GRM7: variants seen among roughly 807,000 people sequenced by gnomAD.
GRM7 encodes the protein metabotropic glutamate receptor 7.
GRM7 carries 35 observed loss-of-function variants against 84.5 expected under a neutral mutation model. That is an observed-to-expected ratio of 0.41 (90% confidence interval 0.32 to 0.55). The LOEUF is 0.55. Among genes scored for constraint, GRM7 ranks in the 20% least tolerant of loss-of-function variants. The pLI, the probability that GRM7 is intolerant of heterozygous loss-of-function variation, is 0.19. For synonymous variants in GRM7, 487 were observed against 455.1 expected (o/e 1.07, Z -0.89); for missense variants, 1,003 against 1,194.6 (o/e 0.84, Z 2.36).
intron 7 of GRM7, among the ~76,000 whole-genome samples, chr3:7,528,527 C>T (rs1700896989): frequency 1.3e-5 from 2 of 151,904 alleles, no homozygotes. Context: ...TTTAATTCTG[C>T]TCTGCTTTTA....
intron 9 of GRM7, among the ~76,000 whole-genome samples, chr3:7,738,487 C>T: frequency 6.6e-6 from 1 of 152,104 alleles, no homozygotes; most frequent in East Asian, 1.9e-4. Flanking sequence ...ATAACCTCAT[C>T]GTGATTTTAA....
intron 1 of GRM7, among the ~76,000 whole-genome samples, chr3:7,057,350 A>G (rs888658859): frequency 2.6e-5 from 4 of 151,936 alleles, no homozygotes; most frequent in Non-Finnish European, 2.9e-5. Flanking sequence ...TTTTTCAACT[A>G]ACCTATTCTA....
At chr3:6,911,765 G>A (rs1696777909) in intron 1 of GRM7, among the ~76,000 whole-genome samples, 1 of 152,074 alleles carries the variant, frequency 6.6e-6, no homozygotes, top group South Asian at 2.1e-4. Flanking sequence ...TTCAAAAATT[G>A]TTTTTAGTTT....
At chr3:7,123,590 G>T (rs568986015) in intron 1 of GRM7, among the ~76,000 whole-genome samples, 2 of 152,126 alleles carry the variant, frequency 1.3e-5, no homozygotes, top group African/African-American at 2.4e-5. Flanking sequence ...CTGTACTCCA[G>T]CCTGGGCAAG....
At chr3:7,461,816 GT>G in intron 7 of GRM7, 94 bp downstream of exon 7, 1 of 1,179,968 alleles carries the variant, frequency 8.5e-7, no homozygotes, top group Non-Finnish European at 1.3e-6. Flanking sequence ...TTTAATGTTT[GT>G]GTGCATATAC....
chr3:7,460,971 G>C (rs919542902), intron 6 of GRM7, among the ~76,000 whole-genome samples: 2 of 152,166 alleles, frequency 1.3e-5, no homozygotes, highest in Admixed American at 6.6e-5. Context: ...ATCCAAATGA[G>C]AGATTGAGAA....
At chr3:7,329,042 C>T (rs34225103) in intron 4 of GRM7, among the ~76,000 whole-genome samples, 67,226 of 151,612 alleles carry the variant, frequency 0.44, 15,149 homozygotes, top group African/African-American at 0.51. Context: ...GCCCCCACCC[C>T]CACCACCCCT....
At chr3:7,645,701 C>T (rs1698604452) in intron 8 of GRM7, among the ~76,000 whole-genome samples, 1 of 152,062 alleles carries the variant, frequency 6.6e-6, no homozygotes, top group Non-Finnish European at 1.5e-5. Context: ...GTGTTGGAAG[C>T]AGCAGTGTGG....
chr3:7,253,633 A>AC (rs1698089119), intron 2 of GRM7, among the ~76,000 whole-genome samples: 1 of 150,110 alleles, frequency 6.7e-6, no homozygotes, highest in Non-Finnish European at 1.5e-5. Flanking sequence ...AAAAAAAAAA[A>AC]AAAAAATCAC....
At chr3:6,987,407 A>AG (rs558811791) in intron 1 of GRM7, among the ~76,000 whole-genome samples, 1 of 152,250 alleles carries the variant, frequency 6.6e-6, no homozygotes, top group Admixed American at 6.5e-5. Flanking sequence ...GACAAAAAAA[A>AG]AAAAAATCCC....
At chr3:7,725,216 A>T (rs1702081214) in intron 9 of GRM7, among the ~76,000 whole-genome samples, 1 of 152,152 alleles carries the variant, frequency 6.6e-6, no homozygotes. Context: ...CACAGAGGGG[A>T]TGAAGGAGGG....
chr3:7,284,179 C>T (rs1041352256), intron 2 of GRM7, among the ~76,000 whole-genome samples: 2 of 152,110 alleles, frequency 1.3e-5, no homozygotes, highest in African/African-American at 4.8e-5. Flanking sequence ...GTAGAAATCA[C>T]AATACTCATA....
chr3:7,672,600 ACTT>A (rs1481599209), intron 8 of GRM7, among the ~76,000 whole-genome samples: 3 of 134,344 alleles, frequency 2.2e-5, no homozygotes, highest in Admixed American at 7.6e-5. Context: ...GTTTTAATAT[ACTT>A]TTTTTTTTTT....
chr3:7,093,961 T>G (rs1299201303), intron 1 of GRM7, among the ~76,000 whole-genome samples: 1 of 152,186 alleles, frequency 6.6e-6, no homozygotes, highest in Non-Finnish European at 1.5e-5. Context: ...TTTTTCTTGC[T>G]ATAAACTAAT....
rs367752729 is a variant in GRM7 at position 7,337,471 on chromosome 3, C to CA, written c.1033+30820dup. ...CAAAAGAAATAATCAGCAGAGTAAA[C>CA]AGACACCCCACAGAGTGGGAGAAAG... On this transcript the variant is annotated intron_variant, in intron 4 of 9. Coordinates refer to ENST00000357716, the MANE Select transcript of GRM7 (RefSeq NM_000844.4). Among the ~76,000 whole-genome samples the CA allele has an allele frequency of 3.2e-3, 482 of 152,070 alleles. 2 individuals carry two copies. The highest frequency in any genetic ancestry group is 0.011 in the African/African-American group (458 of 41,532).
chr3:6,969,376 T>G (rs1352339820), intron 1 of GRM7, among the ~76,000 whole-genome samples: 3 of 152,148 alleles, frequency 2.0e-5, no homozygotes, highest in African/African-American at 7.2e-5. Context: ...TTATCCCCAT[T>G]ACATAAATGA....
chr3:6,892,481 C>T (rs891969549), intron 1 of GRM7, among the ~76,000 whole-genome samples: 1 of 152,168 alleles, frequency 6.6e-6, no homozygotes, highest in Non-Finnish European at 1.5e-5. Flanking sequence ...CTCAAATCAG[C>T]TGTATCTGGC....
At chr3:7,259,951 C>CTTTTTTTTTTTTTTTTT (rs1559534237) in intron 2 of GRM7, among the ~76,000 whole-genome samples, 15 of 13,402 alleles carry the variant, frequency 1.1e-3, no homozygotes, top group African/African-American at 8.4e-3. Flanking sequence ...TTACCAGCAT[C>CTTTTTTTTTTTTTTTTT]TGTTTTTTTT....
intron 1 of GRM7, among the ~76,000 whole-genome samples, chr3:7,056,707 C>A (rs1697237175): frequency 6.6e-6 from 1 of 151,858 alleles, no homozygotes; most frequent in Admixed American, 6.6e-5. Flanking sequence ...TGTATGTTTG[C>A]CACATTACCT....
Sources: allele counts gnomAD v4.1 joint callset (sites outside exome capture counted in the v4.1 genomes callset), GRCh38; gene constraint gnomAD v4.1.1; transcripts MANE v1.5; gene names NCBI Gene and HGNC (gene_info 2026-07-23, HGNC 2026-07-21).